The following SGCD variants were observed in gnomAD, a reference collection of about 807,000 sequenced individuals.
SGCD encodes delta-sarcoglycan.
In SGCD, 18 loss-of-function variants were observed where a neutral mutation model predicts 36.6. That is an observed-to-expected ratio of 0.49 (90% confidence interval 0.34 to 0.73). The LOEUF is 0.73. Among genes scored for constraint, SGCD ranks in the 30% least tolerant of loss-of-function variants. The pLI is 0.01. For synonymous variants in SGCD, 133 were observed against 130.6 expected (o/e 1.02, Z -0.12); for missense variants, 387 against 346.7 (o/e 1.12, Z -0.92).
rs562502392 is a variant in SGCD at position 156,412,627 on chromosome 5, G to A, written c.192+67950G>A. Among the ~76,000 whole-genome samples, 3 of 152,276 alleles carry A rather than the reference G, an allele frequency of 2.0e-5. No homozygotes were observed. In the East Asian group the frequency reaches 5.8e-4, roughly 29 times the overall value. ...AACATAGGTGCCAGTACTCAAATGT[G>A]GAGAGGCTGTCTCCAGAGTCAAAGA... is the stretch of plus-strand genomic sequence containing the variant. On this transcript the variant is annotated intron_variant, in intron 3 of 8. Transcript: ENST00000337851.
At chr5:156,150,876 T>G (rs1449172742) in intron 3 of SGCD, among the ~76,000 whole-genome samples, 3 of 151,636 alleles carry the variant, frequency 2.0e-5, no homozygotes, top group Non-Finnish European at 2.9e-5. Context: ...AAAAAAGAAC[T>G]GGAAGGACTT....
chr5:156,137,064 T>C (rs1318260075), intron 3 of SGCD, among the ~76,000 whole-genome samples: 1 of 152,228 alleles, frequency 6.6e-6, no homozygotes, highest in Non-Finnish European at 1.5e-5. Context: ...CTCTTCTCCA[T>C]TGCTACTCAT....
intron 3 of SGCD, among the ~76,000 whole-genome samples, chr5:156,397,428 T>G (rs1414741626): frequency 6.6e-6 from 1 of 152,224 alleles, no homozygotes; most frequent in Non-Finnish European, 1.5e-5. Flanking sequence ...AAATTGGATT[T>G]GACCCACAGG....
intron 3 of SGCD, among the ~76,000 whole-genome samples, chr5:156,247,477 G>A (rs1229346892): frequency 6.6e-6 from 1 of 152,164 alleles, no homozygotes; most frequent in Non-Finnish European, 1.5e-5. Flanking sequence ...AGGGAAACCA[G>A]GTGAGAGGTT....
intron 3 of SGCD, among the ~76,000 whole-genome samples, chr5:156,408,686 C>A (rs1772555692): frequency 6.6e-6 from 1 of 152,144 alleles, no homozygotes; most frequent in African/African-American, 2.4e-5. Context: ...GTGCGTATCA[C>A]CCCTTGTCTT....
intron 7 of SGCD, among the ~76,000 whole-genome samples, chr5:156,667,255 A>G (rs1278897711): frequency 6.6e-6 from 1 of 152,216 alleles, no homozygotes; most frequent in African/African-American, 2.4e-5. Flanking sequence ...ACATACAAAG[A>G]GACAGAGAGA....
chr5:156,028,980 G>A (rs1427164314), intron 1 of SGCD, among the ~76,000 whole-genome samples: 1 of 151,924 alleles, frequency 6.6e-6, no homozygotes, highest in Non-Finnish European at 1.5e-5. Context: ...GGAAATTTGG[G>A]GAAAATTATG....
chr5:156,516,361 C>T (rs1757166209), intron 4 of SGCD, among the ~76,000 whole-genome samples: 1 of 152,164 alleles, frequency 6.6e-6, no homozygotes, highest in Non-Finnish European at 1.5e-5. Context: ...CTGCAGACTC[C>T]ACTGGTGACA....
chr5:156,373,530 C>A (rs1409395297), intron 3 of SGCD, among the ~76,000 whole-genome samples: 1 of 152,172 alleles, frequency 6.6e-6, no homozygotes, highest in African/African-American at 2.4e-5. Context: ...CACCAGGATT[C>A]TTTCCTTCTC....
At chr5:156,242,476 C>A (rs1410643914) in intron 3 of SGCD, among the ~76,000 whole-genome samples, 2 of 152,056 alleles carry the variant, frequency 1.3e-5, no homozygotes, top group Non-Finnish European at 2.9e-5. Context: ...GACCTACGCA[C>A]GTGAGTACAT....
At chr5:156,581,085 T>C (rs1760235479) in intron 4 of SGCD, among the ~76,000 whole-genome samples, 1 of 152,222 alleles carries the variant, frequency 6.6e-6, no homozygotes, top group African/African-American at 2.4e-5. Context: ...GATGGGGTTT[T>C]GGTGTGGATG....
the SGCD span, among the ~76,000 whole-genome samples, chr5:155,804,587 G>A: frequency 6.6e-6 from 1 of 152,192 alleles, no homozygotes; most frequent in African/African-American, 2.4e-5. Context: ...CTCAGGTTGT[G>A]CAACCATCAC....
At position 156,049,409 on chromosome 5, in the gene SGCD, CTTGGGCAGTA is replaced by C. The variant is rs566498914; in HGVS notation, c.-281-68467_-281-68458del. Among the ~76,000 whole-genome samples the C allele has an allele frequency of 2.5e-3, 366 of 145,834 alleles. 22 individuals are homozygous for C. The highest frequency in any genetic ancestry group is 8.5e-3 in the African/African-American group (343 of 40,566). On this transcript the variant is annotated intron_variant, in intron 1 of 9. Transcript: ENST00000517913. Reference sequence around the variant, plus strand: ...GGATGGCATTGAATCTATAAATTCCCTTGGGCAGTATGGCCATTTTCACCATATTGATTCT... The same window carrying C: ...GGATGGCATTGAATCTATAAATTCCCTGGCCATTTTCACCATATTGATTCT...
At chr5:156,310,056 T>G (rs1034837295) in intron 3 of SGCD, among the ~76,000 whole-genome samples, 1 of 152,206 alleles carries the variant, frequency 6.6e-6, no homozygotes, top group East Asian at 1.9e-4. Flanking sequence ...CAGGCTATTT[T>G]TGTACCCAGA....
At chr5:155,788,510 A>G in the SGCD span, among the ~76,000 whole-genome samples, 1 of 152,186 alleles carries the variant, frequency 6.6e-6, no homozygotes, top group African/African-American at 2.4e-5. Flanking sequence ...TATGTTAGGT[A>G]GAATTCTTAT....
At chr5:155,922,648 A>T (rs1756901019) in intron 1 of SGCD, among the ~76,000 whole-genome samples, 1 of 151,968 alleles carries the variant, frequency 6.6e-6, no homozygotes, top group Non-Finnish European at 1.5e-5. Context: ...CTTGAGAGAG[A>T]GTTTCTGTGT....
chr5:156,326,920 C>T (rs779323952), upstream of SGCD: 4 of 152,316 alleles, frequency 2.6e-5, no homozygotes, highest in Non-Finnish European at 4.4e-5. Flanking sequence ...GTGCTTGACA[C>T]ATGTGTTTCC....
intron 2 of SGCD, among the ~76,000 whole-genome samples, chr5:156,122,339 C>T (rs1762062609): frequency 6.6e-6 from 1 of 152,082 alleles, no homozygotes; most frequent in African/African-American, 2.4e-5. Context: ...TGGGGGATGA[C>T]AGATAATAAA....
At chr5:156,085,976 A>G (rs183156183) in intron 1 of SGCD, among the ~76,000 whole-genome samples, 1 of 152,226 alleles carries the variant, frequency 6.6e-6, no homozygotes, top group Admixed American at 6.5e-5. Flanking sequence ...TTTTCCTACA[A>G]GATACTTGAA....
Sources: gnomAD v4.1 joint callset for allele counts (sites outside exome capture counted in the v4.1 genomes callset) on GRCh38, gnomAD v4.1.1 for gene constraint, MANE v1.5 for transcripts, NCBI Gene and HGNC (gene_info 2026-07-23, HGNC 2026-07-21) for gene names.